Variants in CABCOCO1 observed in about 807,000 individuals in gnomAD.
CABCOCO1 encodes the protein ciliary associated calcium binding coiled-coil 1, also known as ciliary-associated calcium-binding coiled-coil protein 1.
A neutral mutation model predicts 35.7 loss-of-function variants in CABCOCO1; 28 were observed. The observed-to-expected ratio is 0.78, with a 90% CI of 0.58 to 1.07. The LOEUF is 1.07. CABCOCO1 is among the 50% of genes least tolerant of loss of function. CABCOCO1 has a pLI of 0.00. For missense variants in CABCOCO1, 326 were observed against 309.2 expected (o/e 1.05, Z -0.41); for synonymous variants, 95 against 100.1 (o/e 0.95, Z 0.30).
intron 1 of CABCOCO1, among the ~76,000 whole-genome samples, chr10:61,664,096 A>G (rs920031807): frequency 2.0e-5 from 3 of 152,334 alleles, no homozygotes; most frequent in African/African-American, 7.2e-5. Context: ...GATTCCTACC[A>G]ATACAAAATG....
At chr10:61,718,862 T>C (rs929784923) in intron 5 of CABCOCO1, among the ~76,000 whole-genome samples, 2 of 152,178 alleles carry the variant, frequency 1.3e-5, no homozygotes, top group Non-Finnish European at 2.9e-5. Context: ...GACATATTTC[T>C]CACAAAAAGG....
intron 5 of CABCOCO1, among the ~76,000 whole-genome samples, chr10:61,747,108 G>A (rs549334334): frequency 4.3e-4 from 65 of 152,142 alleles, no homozygotes; most frequent in Non-Finnish European, 8.2e-4. Flanking sequence ...TAGAAAAATC[G>A]ATCTGACAAA....
chr10:61,681,653 A>G (rs1839795853), intron 3 of CABCOCO1, among the ~76,000 whole-genome samples: 1 of 152,146 alleles, frequency 6.6e-6, no homozygotes, highest in African/African-American at 2.4e-5. Flanking sequence ...AAAGTTTATC[A>G]GTAACTATTA....
At chr10:61,732,464 A>G (rs1327199281) in intron 5 of CABCOCO1, among the ~76,000 whole-genome samples, 1 of 134,968 alleles carries the variant, frequency 7.4e-6, no homozygotes, top group Non-Finnish European at 1.7e-5. Context: ...AAATCTATCA[A>G]TAGTTGACTG....
intron 5 of CABCOCO1, among the ~76,000 whole-genome samples, chr10:61,753,798 G>T (rs1280065666): frequency 1.3e-5 from 2 of 152,090 alleles, no homozygotes; most frequent in Non-Finnish European, 1.5e-5. Context: ...CAAAAGAGAA[G>T]TTGTTTGGGA....
intron 5 of CABCOCO1, among the ~76,000 whole-genome samples, chr10:61,744,859 T>C (rs1841623706): frequency 1.3e-5 from 2 of 152,152 alleles, no homozygotes; most frequent in African/African-American, 4.8e-5. Flanking sequence ...AAAATTAAAA[T>C]AAAATATGGC....
Position 61,738,048 on chromosome 10 carries a change from CTT to C in CABCOCO1, c.553-22010_553-22009del, listed in dbSNP as rs1276171550. 7.6e-5 allele frequency among the ~76,000 whole-genome samples: 11 copies of C among 145,248 alleles called. No homozygotes were observed. The South Asian group carries it at 2.3e-3, about 31-fold the overall frequency. On this transcript the variant is annotated intron_variant, in intron 5 of 7. Coordinates refer to ENST00000648843, the MANE Select transcript of CABCOCO1 (RefSeq NM_001366906.2). ...TACAAAAAAACAATAAATAAAATAT[CTT>C]ATTTAAAAAAAAAAAAAACAAAGAC...
At chr10:61,687,846 G>A (rs562057816) in intron 4 of CABCOCO1, among the ~76,000 whole-genome samples, 1 of 152,216 alleles carries the variant, frequency 6.6e-6, no homozygotes, top group Admixed American at 6.5e-5. Context: ...TCGTCATATT[G>A]TTATTTCAAA....
intron 1 of CABCOCO1, among the ~76,000 whole-genome samples, chr10:61,672,373 T>A (rs1226935635): frequency 6.6e-6 from 1 of 152,222 alleles, no homozygotes; most frequent in Non-Finnish European, 1.5e-5. Flanking sequence ...AATGTTTAGA[T>A]AATAAATATT....
chr10:61,700,750 TAGA>T (rs990612661), intron 5 of CABCOCO1, among the ~76,000 whole-genome samples: 20 of 152,114 alleles, frequency 1.3e-4, no homozygotes, highest in African/African-American at 3.4e-4. Flanking sequence ...TGTCTGTTAT[TAGA>T]AGAAGTTTAA....
intron 5 of CABCOCO1, among the ~76,000 whole-genome samples, chr10:61,704,023 C>T (rs946162910): frequency 2.6e-5 from 4 of 151,850 alleles, no homozygotes; most frequent in Admixed American, 2.6e-4. Context: ...CGAGACCAGC[C>T]TGGCCAACAT....
At chr10:61,681,571 A>G (rs1346216252) in intron 3 of CABCOCO1, among the ~76,000 whole-genome samples, 1 of 152,108 alleles carries the variant, frequency 6.6e-6, no homozygotes, top group Non-Finnish European at 1.5e-5. Context: ...AGTGGCATCC[A>G]CCCTCTAAAT....
intron 2 of CABCOCO1, among the ~76,000 whole-genome samples, chr10:61,680,699 T>C (rs1367889435): frequency 3.3e-5 from 4 of 120,460 alleles, no homozygotes; most frequent in African/African-American, 1.2e-4. Context: ...ATAACATATA[T>C]ATGTTATACA....
intron 2 of CABCOCO1, among the ~76,000 whole-genome samples, chr10:61,674,669 G>A (rs1020532496): frequency 3.3e-5 from 5 of 152,106 alleles, no homozygotes; most frequent in Admixed American, 3.3e-4. Flanking sequence ...AAATAAGTTA[G>A]AAGAAATCAG....
intron 5 of CABCOCO1, among the ~76,000 whole-genome samples, chr10:61,721,760 C>T (rs968128837): frequency 7.2e-5 from 11 of 152,092 alleles, no homozygotes; most frequent in African/African-American, 2.4e-4. Flanking sequence ...TGATGCATTC[C>T]ATAGAATTCA....
chr10:61,692,524 A>G (rs1470138152), intron 5 of CABCOCO1, among the ~76,000 whole-genome samples: 1 of 152,180 alleles, frequency 6.6e-6, no homozygotes, highest in Non-Finnish European at 1.5e-5. Context: ...AACAGTGAGT[A>G]ACAGGATATT....
intron 5 of CABCOCO1, among the ~76,000 whole-genome samples, chr10:61,739,850 G>T (rs934691339): frequency 6.6e-6 from 1 of 152,194 alleles, no homozygotes; most frequent in Non-Finnish European, 1.5e-5. Context: ...GCTGAGGCAG[G>T]AGAATCGCTT....
chr10:61,734,905 G>A (rs543327721), intron 5 of CABCOCO1, among the ~76,000 whole-genome samples: 3 of 152,210 alleles, frequency 2.0e-5, no homozygotes, highest in Admixed American at 1.3e-4. Context: ...CTTAATTTGT[G>A]AGACCAGATT....
chr10:61,748,368 C>T (rs1010252863), intron 5 of CABCOCO1, among the ~76,000 whole-genome samples: 1 of 152,210 alleles, frequency 6.6e-6, no homozygotes, highest in Admixed American at 6.5e-5. Context: ...TCCTTACCCT[C>T]AGAGAGTTTT....
Sources: gnomAD v4.1 joint callset for allele counts (sites outside exome capture counted in the v4.1 genomes callset) on GRCh38, gnomAD v4.1.1 for gene constraint, MANE v1.5 for transcripts, NCBI Gene and HGNC (gene_info 2026-07-23, HGNC 2026-07-21) for gene names.